HS6ST3: variants seen among roughly 807,000 people sequenced by gnomAD.
HS6ST3 encodes the protein heparan sulfate 6-O-sulfotransferase 3.
HS6ST3 carries 12 observed loss-of-function variants against 36.7 expected under a neutral mutation model. The ratio of observed to expected loss-of-function variants is 0.33; its 90% CI spans 0.21 to 0.53. HS6ST3 has a LOEUF of 0.53. Ranked by LOEUF, HS6ST3 falls within the 20% of genes least tolerant of loss-of-function variation. The probability of loss-of-function intolerance (pLI) is 0.95; values close to 1 mark genes in which losing one functional copy is unlikely to be tolerated. For missense variants in HS6ST3, 584 were observed against 640.9 expected (o/e 0.91, Z 0.96); for synonymous variants, 240 against 257.5 (o/e 0.93, Z 0.65).
chr13:96,296,036 A>G (rs2054853562), intron 1 of HS6ST3, among the ~76,000 whole-genome samples: 1 of 152,138 alleles, frequency 6.6e-6, no homozygotes, highest in Non-Finnish European at 1.5e-5. Flanking sequence ...CACTAGCCAT[A>G]TATACTATTT....
chr13:96,832,465 A>T, intron 1 of HS6ST3, 25 bp from the exon 2 acceptor site: 1 of 1,503,410 alleles, frequency 6.7e-7, no homozygotes, highest in Non-Finnish European at 8.9e-7. Flanking sequence ...TCAACTACTG[A>T]TGCTCTTCCT....
At chr13:96,210,933 CT>C (rs139076475) in intron 1 of HS6ST3, among the ~76,000 whole-genome samples, 9,621 of 142,744 alleles carry the variant, frequency 0.067, 405 homozygotes, top group East Asian at 0.15. Context: ...TGATTATTAT[CT>C]TTTTTTTTTT....
At chr13:96,377,831 T>C (rs2055322341) in intron 1 of HS6ST3, among the ~76,000 whole-genome samples, 1 of 152,170 alleles carries the variant, frequency 6.6e-6, no homozygotes, top group African/African-American at 2.4e-5. Context: ...TAAAATAACT[T>C]GTTAAAGGTC....
chr13:96,255,107 G>A (rs2054630512), intron 1 of HS6ST3, among the ~76,000 whole-genome samples: 1 of 152,160 alleles, frequency 6.6e-6, no homozygotes, highest in Non-Finnish European at 1.5e-5. Context: ...TATTCAACAA[G>A]TAATTAGTAT....
At chr13:96,571,310 G>T (rs962397832) in intron 1 of HS6ST3, among the ~76,000 whole-genome samples, 1 of 152,156 alleles carries the variant, frequency 6.6e-6, no homozygotes, top group Non-Finnish European at 1.5e-5. Flanking sequence ...GAACATGTTG[G>T]TTTTTCGTCG....
chr13:96,747,520 A>G (rs1876590227), intron 1 of HS6ST3, among the ~76,000 whole-genome samples: 1 of 152,122 alleles, frequency 6.6e-6, no homozygotes, highest in Admixed American at 6.6e-5. Context: ...TATCCCAAAT[A>G]AGAATCTTTT....
At chr13:96,266,546 C>CT (rs1042222129) in intron 1 of HS6ST3, among the ~76,000 whole-genome samples, 4 of 152,076 alleles carry the variant, frequency 2.6e-5, no homozygotes, top group African/African-American at 4.8e-5. Context: ...TTTTGCTCAT[C>CT]TTTTTTTCCT....
chr13:96,531,226 A>G (rs558932478), intron 1 of HS6ST3, among the ~76,000 whole-genome samples: 1 of 152,254 alleles, frequency 6.6e-6, no homozygotes, highest in East Asian at 1.9e-4. Flanking sequence ...CTTCCCCACC[A>G]TTTTGCCCCA....
At chr13:96,281,942 A>G (rs1594742039) in intron 1 of HS6ST3, among the ~76,000 whole-genome samples, 2 of 152,198 alleles carry the variant, frequency 1.3e-5, no homozygotes, top group Admixed American at 6.5e-5. Context: ...ACTTGGTGAC[A>G]TAGCTGGACT....
chr13:96,282,863 T>C (rs1179396837), intron 1 of HS6ST3, among the ~76,000 whole-genome samples: 1 of 152,190 alleles, frequency 6.6e-6, no homozygotes, highest in Non-Finnish European at 1.5e-5. Context: ...CAGGGTTTAC[T>C]CAAAGGGCTG....
chr13:96,697,731 A>T (rs1185745919), intron 1 of HS6ST3, among the ~76,000 whole-genome samples: 1 of 152,204 alleles, frequency 6.6e-6, no homozygotes, highest in African/African-American at 2.4e-5. Flanking sequence ...CTTTTTCGAT[A>T]AGATATTAGT....
At chr13:96,694,680 C>A (rs763072396) in intron 1 of HS6ST3, among the ~76,000 whole-genome samples, 1 of 152,156 alleles carries the variant, frequency 6.6e-6, no homozygotes, top group Non-Finnish European at 1.5e-5. Context: ...TCCTATTTCT[C>A]CATAAATTCA....
At chr13:96,268,470 A>G (rs1351085654) in intron 1 of HS6ST3, among the ~76,000 whole-genome samples, 4 of 151,916 alleles carry the variant, frequency 2.6e-5, no homozygotes, top group Non-Finnish European at 5.9e-5. Flanking sequence ...AACCCCCATC[A>G]ATTACCTCCA....
At chr13:96,309,553 T>G (rs762270115) in intron 1 of HS6ST3, among the ~76,000 whole-genome samples, 1 of 152,194 alleles carries the variant, frequency 6.6e-6, no homozygotes, top group African/African-American at 2.4e-5. Flanking sequence ...TTAACATTAA[T>G]GCAAACTCTG....
intron 1 of HS6ST3, among the ~76,000 whole-genome samples, chr13:96,305,173 T>C (rs1350281041): frequency 6.6e-6 from 1 of 152,188 alleles, no homozygotes; most frequent in Non-Finnish European, 1.5e-5. Context: ...TAATGGATTT[T>C]TTTTGGAAAA....
intron 1 of HS6ST3, among the ~76,000 whole-genome samples, chr13:96,106,317 G>A (rs2053841396): frequency 6.6e-6 from 1 of 152,198 alleles, no homozygotes; most frequent in Non-Finnish European, 1.5e-5. Context: ...TAAAAGGACT[G>A]TGGCTTTTGT....
intron 1 of HS6ST3, among the ~76,000 whole-genome samples, chr13:96,769,588 G>A (rs1024584618): frequency 6.6e-6 from 1 of 151,460 alleles, no homozygotes; most frequent in African/African-American, 2.4e-5. Context: ...TAATCAATTG[G>A]TAATTATTAA....
chr13:96,469,672 T>C (rs1156758537), intron 1 of HS6ST3, among the ~76,000 whole-genome samples: 1 of 152,118 alleles, frequency 6.6e-6, no homozygotes, highest in East Asian at 1.9e-4. Context: ...CTGATGTTGA[T>C]GATATTTGTA....
intron 1 of HS6ST3, among the ~76,000 whole-genome samples, chr13:96,772,358 T>C (rs895173339): frequency 7.2e-5 from 11 of 152,196 alleles, no homozygotes; most frequent in Admixed American, 6.5e-4. Flanking sequence ...AGTGCTATTC[T>C]ATAAGCAAAC....
Sources: allele counts gnomAD v4.1 joint callset (sites outside exome capture counted in the v4.1 genomes callset), GRCh38; gene constraint gnomAD v4.1.1; transcripts MANE v1.5; gene names NCBI Gene and HGNC (gene_info 2026-07-23, HGNC 2026-07-21).